The following LHPP variants were observed in gnomAD, a reference collection of about 807,000 sequenced individuals.
The protein encoded by LHPP is hLHPP.
In LHPP, 24 loss-of-function variants were observed where a neutral mutation model predicts 30.3. That is an observed-to-expected ratio of 0.79 (90% CI 0.57 to 1.11). LHPP has a LOEUF of 1.11. Ranked by LOEUF, LHPP falls within the 50% of genes most tolerant of loss-of-function variation. The pLI, the probability that LHPP is intolerant of heterozygous loss-of-function variation, is 0.00. For synonymous variants in LHPP, 150 were observed against 157.1 expected, an observed-to-expected ratio of 0.95 and a Z score of 0.34; for missense variants, 356 against 367.2, an observed-to-expected ratio of 0.97 and a Z score of 0.25.
At chr10:124,462,112 C>G in intron 1 of LHPP, 125 bp downstream of exon 1, 1 of 900,924 alleles carries the variant, frequency 1.1e-6, no homozygotes, top group Non-Finnish European at 1.4e-6. Context: ...CGGTCTCCCC[C>G]TTCCCACCCC....
At chr10:124,570,478 ACATGC>A (rs1268589217) in intron 6 of LHPP, among the ~76,000 whole-genome samples, 4 of 152,326 alleles carry the variant, frequency 2.6e-5, no homozygotes, top group Non-Finnish European at 5.9e-5. Flanking sequence ...TGAGATATTC[ACATGC>A]CATACAATTC....
chr10:124,467,314 T>A (rs1952579078), intron 1 of LHPP, among the ~76,000 whole-genome samples: 1 of 148,880 alleles, frequency 6.7e-6, no homozygotes, highest in South Asian at 2.1e-4. Context: ...ACATACGGGG[T>A]ATTGTGGGGG....
chr10:124,554,538 G>A (rs1948254936), intron 6 of LHPP, among the ~76,000 whole-genome samples: 1 of 152,216 alleles, frequency 6.6e-6, no homozygotes. Flanking sequence ...TTAATAATGT[G>A]CATGCAGTGC....
intron 1 of LHPP, among the ~76,000 whole-genome samples, chr10:124,470,194 G>A (rs995759851): frequency 6.6e-5 from 10 of 152,082 alleles, no homozygotes; most frequent in South Asian, 2.1e-4. Flanking sequence ...GGCCGGCCTC[G>A]GGGCCCTGGG....
intron 5 of LHPP, among the ~76,000 whole-genome samples, chr10:124,512,665 C>T (rs1414781896): frequency 6.6e-6 from 1 of 150,648 alleles, no homozygotes; most frequent in Non-Finnish European, 1.5e-5. Context: ...TATGTCCTGG[C>T]CCTGTGCTGG....
intron 6 of LHPP, among the ~76,000 whole-genome samples, chr10:124,580,319 A>G (rs750273681): frequency 3.3e-5 from 5 of 152,232 alleles, no homozygotes; most frequent in Non-Finnish European, 5.9e-5. Context: ...TATCTTGTCT[A>G]AGAAATTCAT....
chr10:124,601,675 C>G (rs1223556736), intron 6 of LHPP, among the ~76,000 whole-genome samples: 1 of 152,242 alleles, frequency 6.6e-6, no homozygotes, highest in Non-Finnish European at 1.5e-5. Context: ...CAGAGTGCCA[C>G]CTGGCTAAAC....
intron 6 of LHPP, among the ~76,000 whole-genome samples, chr10:124,611,025 G>A (rs1949190318): frequency 8.6e-6 from 1 of 116,682 alleles, no homozygotes; most frequent in South Asian, 2.8e-4. Context: ...GCGGGTGAGG[G>A]TGCTGATGGA....
At chr10:124,511,577 A>G (rs7069585) in intron 5 of LHPP, among the ~76,000 whole-genome samples, 18,751 of 152,044 alleles carry the variant, frequency 0.12, 1,457 homozygotes, top group South Asian at 0.31. Context: ...CTCTCTCAGC[A>G]CCACCATCCG....
chr10:124,494,777 C>T (rs768377642), intron 3 of LHPP, among the ~76,000 whole-genome samples: 4 of 152,210 alleles, frequency 2.6e-5, no homozygotes, highest in Non-Finnish European at 5.9e-5. Context: ...ACTGCCCCTC[C>T]CCTGGGTCCT....
chr10:124,526,931 A>G (rs371731571), intron 6 of LHPP, among the ~76,000 whole-genome samples: 12 of 152,324 alleles, frequency 7.9e-5, no homozygotes, highest in African/African-American at 2.9e-4. Flanking sequence ...CCCGCAGTGA[A>G]CTTGCAGCAG....
intron 2 of LHPP, 144 bp downstream of exon 2, chr10:124,484,470 A>G (rs1220346973): frequency 1.3e-6 from 1 of 769,790 alleles, no homozygotes; most frequent in Middle Eastern, 3.8e-4. Context: ...TAAAAACCTC[A>G]TGGGACTTCC....
chr10:124,498,376 G>C, intron 5 of LHPP: 1 of 1,555,816 alleles, frequency 6.4e-7, no homozygotes, highest in Non-Finnish European at 8.7e-7. Context: ...GGCTTTTCCT[G>C]AGTTTTTGCT....
chr10:124,554,428 T>C (rs2124161), intron 6 of LHPP, among the ~76,000 whole-genome samples: 70,308 of 152,112 alleles, frequency 0.46, 16,604 homozygotes, highest in African/African-American at 0.55. Context: ...TGAACTGGGC[T>C]CAAGTGATCC....
rs1334795565 is a variant in LHPP, at chr10:124,592,228, A to G, written c.717-21036A>G. Among the ~76,000 whole-genome samples the G allele has an allele frequency of 6.6e-6, 1 of 152,004 alleles. No homozygotes were observed. Among genetic ancestry groups the G allele is most frequent in the Non-Finnish European group, 1.5e-5 (1 of 67,996 alleles). ...CTGCATATGCCAGGTTCTGTGTATCACATCTCTCACCAGGAAGGCAAAACC... is the reference window on the plus strand; with the variant it reads ...CTGCATATGCCAGGTTCTGTGTATCGCATCTCTCACCAGGAAGGCAAAACC... On this transcript the variant is annotated intron_variant, in intron 6 of 6. Transcript: ENST00000368842. This position sits in a 1 kb window ranked among gnomAD's most constrained non-coding sequence, Gnocchi z 6.2.
At chr10:124,466,603 C>A (rs1004013059) in intron 1 of LHPP, among the ~76,000 whole-genome samples, 1 of 151,928 alleles carries the variant, frequency 6.6e-6, no homozygotes, top group African/African-American at 2.4e-5. Context: ...ATTACAGGCA[C>A]CTGCCACCAT....
At chr10:124,529,832 C>A (rs1954846574) in intron 6 of LHPP, among the ~76,000 whole-genome samples, 2 of 151,698 alleles carry the variant, frequency 1.3e-5, no homozygotes, top group Admixed American at 1.3e-4. Flanking sequence ...CACACACACA[C>A]ATGCGCACAT....
chr10:124,609,617 T>C (rs2134020468), intron 6 of LHPP, among the ~76,000 whole-genome samples: 1 of 152,332 alleles, frequency 6.6e-6, no homozygotes, highest in East Asian at 1.9e-4. Flanking sequence ...AATAGGATGT[T>C]AGCCCCACCC....
rs1948663522 is a variant in LHPP, at chr10:124,576,461, C to T, written c.717-36803C>T. On this transcript the variant is annotated intron_variant, in intron 6 of 6. Coordinates refer to ENST00000368842, the MANE Select transcript of LHPP (RefSeq NM_022126.4). The surrounding 1 kb of genome is among the most constrained non-coding windows in gnomAD (Gnocchi z 4.2). ...CCAGACCCCCTCATATCCATCCTGC[C>T]TCCAGAACCCCTATATCTTGCTCCC... is the stretch of plus-strand genomic sequence containing the variant. Among the ~76,000 whole-genome samples, 1 of 148,330 alleles carries T rather than the reference C, an allele frequency of 6.7e-6. No homozygotes were observed. The highest frequency in any genetic ancestry group is 2.5e-5 in the African/African-American group (1 of 39,504).
Sources: gnomAD v4.1 joint callset for allele counts (sites outside exome capture counted in the v4.1 genomes callset) on GRCh38, gnomAD v4.1.1 for gene constraint, Gnocchi (gnomAD v3.1) non-coding constraint, MANE v1.5 for transcripts, NCBI Gene and HGNC (gene_info 2026-07-23, HGNC 2026-07-21) for gene names.